LDAH: variants seen among roughly 807,000 people sequenced by gnomAD.
LDAH encodes lipid droplet associated hydrolase, also known as lipid droplet-associated hydrolase.
A neutral mutation model predicts 29.6 loss-of-function variants in LDAH; 26 were observed. The observed-to-expected ratio is 0.88, with a 90% CI of 0.64 to 1.22. The LOEUF is 1.22. Ranked by LOEUF, LDAH falls within the 50% of genes most tolerant of loss-of-function variation. LDAH has a pLI of 0.00. For synonymous variants in LDAH, 117 were observed against 133.0 expected (o/e 0.88, Z 0.83); for missense variants, 344 against 387.3 (o/e 0.89, Z 0.94).
In LDAH at chr2:20,701,693, AG is replaced by A. The variant is rs758804161; in HGVS notation, c.704-42del. The A allele has an allele frequency of 2.6e-6, 4 of 1,515,568 alleles. No individual in the cohort carries two copies. In the African/African-American group the frequency reaches 5.5e-5, roughly 21 times the overall value. 93.9% of individuals were successfully genotyped at this position (1,515,568 alleles called of 1,614,324 possible). A position where few individuals can be genotyped will look rare whatever the true frequency, so the allele number is the denominator to read the frequency against. On this transcript the variant is annotated intron_variant, in intron 5 of 6. Coordinates refer to ENST00000237822, the MANE Select transcript of LDAH (RefSeq NM_021925.4). ...AAAAAGTCAAACATTTAGAATATAT[AG>A]AACAAACACAAATTTCAAATTAATT...
chr2:20,709,427 G>A (rs1363534284), intron 5 of LDAH, among the ~76,000 whole-genome samples: 1 of 152,062 alleles, frequency 6.6e-6, no homozygotes, highest in Non-Finnish European at 1.5e-5. Context: ...AACATCATTA[G>A]TCATCAAGGA....
intron 5 of LDAH, among the ~76,000 whole-genome samples, chr2:20,703,381 T>A (rs1664089331): frequency 1.3e-5 from 2 of 152,246 alleles, no homozygotes; most frequent in Admixed American, 6.5e-5. Flanking sequence ...CATTTCTTGA[T>A]AACTTATTGA....
At chr2:20,763,430 G>A (rs929577673) in intron 4 of LDAH, among the ~76,000 whole-genome samples, 25 of 152,312 alleles carry the variant, frequency 1.6e-4, no homozygotes, top group African/African-American at 5.1e-4. Context: ...GTTAAATGCT[G>A]GTTGGTGAGC....
intron 5 of LDAH, among the ~76,000 whole-genome samples, chr2:20,708,704 G>A (rs1340799361): frequency 6.6e-6 from 1 of 152,144 alleles, no homozygotes; most frequent in Non-Finnish European, 1.5e-5. Flanking sequence ...AGCCCTAAAT[G>A]TAACAACTAA....
At chr2:20,789,312 C>T in intron 3 of LDAH, 1 of 1,544,160 alleles carries the variant, frequency 6.5e-7, no homozygotes, top group Non-Finnish European at 8.7e-7. Flanking sequence ...CCTCCTGTGT[C>T]CACCACGAGA....
chr2:20,762,455 A>G (rs768660784), intron 4 of LDAH, among the ~76,000 whole-genome samples: 8 of 152,180 alleles, frequency 5.3e-5, no homozygotes, highest in Non-Finnish European at 1.2e-4. Flanking sequence ...TACCTGTTCA[A>G]ACTTATTTAA....
intron 4 of LDAH, among the ~76,000 whole-genome samples, chr2:20,755,730 A>C (rs1355700807): frequency 6.6e-6 from 1 of 152,228 alleles, no homozygotes; most frequent in African/African-American, 2.4e-5. Flanking sequence ...GCACAGAAAA[A>C]GGCAGGGGAA....
At chr2:20,772,791 C>A (rs989522243) in intron 4 of LDAH, among the ~76,000 whole-genome samples, 3 of 152,180 alleles carry the variant, frequency 2.0e-5, no homozygotes, top group Non-Finnish European at 4.4e-5. Context: ...GGCCTCCCCC[C>A]AAATGCCACT....
At chr2:20,709,769 G>A (rs1664575729) in intron 5 of LDAH, among the ~76,000 whole-genome samples, 1 of 152,160 alleles carries the variant, frequency 6.6e-6, no homozygotes, top group African/African-American at 2.4e-5. Flanking sequence ...ATTGATGAAT[G>A]GAAAGACAAA....
intron 5 of LDAH, among the ~76,000 whole-genome samples, chr2:20,735,673 G>A (rs986114448): frequency 2.0e-5 from 3 of 151,938 alleles, no homozygotes; most frequent in Admixed American, 2.0e-4. Flanking sequence ...GACAGTTTGA[G>A]TATTATGTTA....
intron 4 of LDAH, among the ~76,000 whole-genome samples, chr2:20,750,604 G>A (rs531775723): frequency 2.6e-5 from 4 of 152,318 alleles, no homozygotes; most frequent in South Asian, 2.1e-4. Context: ...ACTAACTGAC[G>A]CTTTTCAAAT....
At chr2:20,739,693 A>G (rs949724141) in intron 5 of LDAH, among the ~76,000 whole-genome samples, 32 of 152,198 alleles carry the variant, frequency 2.1e-4, no homozygotes, top group Non-Finnish European at 7.3e-5. Flanking sequence ...CATATATACT[A>G]TGTACTATAT....
At chr2:20,716,336 A>C (rs1053659553) in intron 5 of LDAH, among the ~76,000 whole-genome samples, 3 of 152,146 alleles carry the variant, frequency 2.0e-5, no homozygotes, top group African/African-American at 7.2e-5. Flanking sequence ...CCAAATGTCC[A>C]TCAATGATAG....
chr2:20,784,155 C>T (rs971339245), intron 3 of LDAH, among the ~76,000 whole-genome samples: 4 of 152,094 alleles, frequency 2.6e-5, no homozygotes, highest in African/African-American at 9.7e-5. Context: ...CCTGTAATCC[C>T]AGCACTTTAG....
At chr2:20,756,234 C>T (rs761940219) in intron 4 of LDAH, among the ~76,000 whole-genome samples, 2 of 152,024 alleles carry the variant, frequency 1.3e-5, no homozygotes, top group Non-Finnish European at 2.9e-5. Flanking sequence ...GGGGTTTCAC[C>T]ATATTGGTCA....
At chr2:20,806,359 G>A (rs1324622637) in intron 1 of LDAH, among the ~76,000 whole-genome samples, 1 of 152,136 alleles carries the variant, frequency 6.6e-6, no homozygotes, top group Non-Finnish European at 1.5e-5. Context: ...ACACAGAGCA[G>A]AGCATATACT....
chr2:20,701,447 A>G lies in LDAH; in HGVS notation c.786+123T>C, dbSNP rs1043082951. The G allele has an allele frequency of 1.8e-5, 13 of 731,532 alleles. No homozygotes were observed. In the East Asian group the frequency reaches 3.3e-4, roughly 19 times the overall value. The allele number at this position is 731,532 out of a possible 1,614,324, so 45.3% of individuals were successfully genotyped here. On this transcript the variant is annotated intron_variant, in intron 6 of 6. Transcript: ENST00000237822. The stretch of plus-strand genomic sequence containing the variant: ...GATAATTTCAATTTTAACTGGAAGT[A>G]GAACTCTATGTCATTCTACCAACCC...
intron 5 of LDAH, among the ~76,000 whole-genome samples, chr2:20,725,659 T>C (rs1336594510): frequency 6.6e-6 from 1 of 152,220 alleles, no homozygotes; most frequent in East Asian, 1.9e-4. Context: ...TACTGAGTCA[T>C]GGGGAAATCA....
chr2:20,717,771 T>G (rs1665328886), intron 5 of LDAH, among the ~76,000 whole-genome samples: 1 of 152,172 alleles, frequency 6.6e-6, no homozygotes, highest in Non-Finnish European at 1.5e-5. Flanking sequence ...AAAGTTAGGT[T>G]GCTATCAGTG....
Sources: gnomAD v4.1 joint callset for allele counts (sites outside exome capture counted in the v4.1 genomes callset) on GRCh38, gnomAD v4.1.1 for gene constraint, MANE v1.5 for transcripts, NCBI Gene and HGNC (gene_info 2026-07-23, HGNC 2026-07-21) for gene names.